Variants in ANAPC16 observed in about 807,000 individuals in gnomAD.
ANAPC16 encodes anaphase promoting complex subunit 16, also known as anaphase-promoting complex subunit 16.
A neutral mutation model predicts 13.1 loss-of-function variants in ANAPC16; 6 were observed. The ratio of observed to expected loss-of-function variants is 0.46; its 90% CI spans 0.25 to 0.90. The LOEUF is 0.90. ANAPC16 is among the 40% of genes least tolerant of loss of function. The pLI is 0.18. For missense variants in ANAPC16, 113 were observed against 131.1 expected (o/e 0.86, Z 0.67); for synonymous variants, 55 against 51.3 (o/e 1.07, Z -0.31).
chr10:72,223,794 CA>C (rs1860028688), intron 1 of ANAPC16, 93 bp from the exon 2 acceptor site: 23 of 1,049,416 alleles, frequency 2.2e-5, no homozygotes, highest in Non-Finnish European at 2.9e-5. Flanking sequence ...TAACTCTTTA[CA>C]AAACTGTATG....
chr10:72,224,153 G>A (rs78311085), intron 2 of ANAPC16, 97 bp downstream of exon 2: 1 of 1,247,160 alleles, frequency 8.0e-7, no homozygotes, highest in Admixed American at 2.8e-5. Context: ...AGTTTGCCCT[G>A]ATTTCAGCTC....
chr10:72,223,932 A>C lies in ANAPC16; in HGVS notation c.18A>C (p.Ser6=), dbSNP rs147603657. ...GAGAGGAAATGGCTGCTTCATCATCATCCTCCTCAGCTGGTGGGGTCAGTG... is the reference window on the plus strand; with the variant it reads ...GAGAGGAAATGGCTGCTTCATCATCCTCCTCCTCAGCTGGTGGGGTCAGTG... The part of the protein sequence containing the change: MAASS[S]SSSAGGVSGS... The change falls in exon 2 of 4, where the codon TCA becomes TCC. Residue 6 remains serine (S), a synonymous_variant. Coordinates refer to ENST00000299381, the MANE Select transcript of ANAPC16 (RefSeq NM_173473.4). 1,904 of 1,603,760 alleles carry C rather than the reference A, an allele frequency of 1.2e-3. 4 individuals carry two copies. The highest frequency in any genetic ancestry group is 1.4e-3 in the Non-Finnish European group (1,608 of 1,172,242).
intron 2 of ANAPC16, 68 bp downstream of exon 2, chr10:72,224,124 A>G (rs1860040708): frequency 1.4e-6 from 2 of 1,384,662 alleles, no homozygotes; most frequent in African/African-American, 1.5e-5. Context: ...TAAAGAAGCT[A>G]TTAAGTGGAT....
At chr10:72,217,686 G>A (rs1019000042) in intron 1 of ANAPC16, among the ~76,000 whole-genome samples, 4 of 151,976 alleles carry the variant, frequency 2.6e-5, no homozygotes, top group Non-Finnish European at 4.4e-5. Flanking sequence ...ACTTTGAATA[G>A]CCAAGATTTA....
At position 72,233,307 on chromosome 10, in the gene ANAPC16, G is replaced by T; in HGVS notation, c.*191G>T. 1.9e-6 allele frequency: 1 copy of T among 529,256 alleles called. No homozygotes were observed. Among genetic ancestry groups the T allele is most frequent in the Non-Finnish European group, 3.4e-6 (1 of 295,494 alleles). 32.8% of individuals were successfully genotyped at this position (529,256 alleles called of 1,614,324 possible). A position where few individuals can be genotyped will look rare whatever the true frequency, so the allele number is the denominator to read the frequency against. On this transcript the variant is annotated 3_prime_UTR_variant, in exon 4 of 4. Coordinates refer to ENST00000299381, the MANE Select transcript of ANAPC16 (RefSeq NM_173473.4). ...TGTGTGATCTTTCAGGGAATGTTTT[G>T]TTTATTTGTTTTTAAAAGTATTGGG... is the stretch of plus-strand genomic sequence containing the variant.
chr10:72,231,579 C>G (rs1453393700), intron 3 of ANAPC16, among the ~76,000 whole-genome samples: 1 of 152,026 alleles, frequency 6.6e-6, no homozygotes, highest in African/African-American at 2.4e-5. Context: ...TTTTTTGAGA[C>G]GGAGTCTCTC....
intron 1 of ANAPC16, chr10:72,223,559 C>T (rs539994924): frequency 1.1e-5 from 2 of 176,970 alleles, no homozygotes; most frequent in Non-Finnish European, 2.4e-5. Context: ...AACTTATTTC[C>T]TCTGTCAAAT....
At chr10:72,231,379 A>G (rs949350949) in intron 3 of ANAPC16, among the ~76,000 whole-genome samples, 3 of 152,094 alleles carry the variant, frequency 2.0e-5, no homozygotes, top group Non-Finnish European at 2.9e-5. Context: ...ATCTAAAAAA[A>G]GAAAATACAA....
chr10:72,233,124 T>C lies in ANAPC16; in HGVS notation c.*8T>C, dbSNP rs756558579. 1.9e-6 allele frequency: 3 copies of C among 1,611,828 alleles called. No individual in the cohort carries two copies. The Admixed American group carries it at 5.0e-5, about 27-fold the overall frequency. ...ACCCCCTCTTCAGGTTGATACTGCC[T>C]GGATGGTCACCTCTGGTGCGCAGCA... On this transcript the variant is annotated 3_prime_UTR_variant, in exon 4 of 4. Coordinates refer to ENST00000299381, the MANE Select transcript of ANAPC16 (RefSeq NM_173473.4).
At chr10:72,224,340 C>T (rs1055160774) in intron 2 of ANAPC16, among the ~76,000 whole-genome samples, 1 of 152,106 alleles carries the variant, frequency 6.6e-6, no homozygotes, top group Admixed American at 6.5e-5. Context: ...GGGCTGGGCA[C>T]GGTGGCTCAC....
rs1409772192 is a variant in ANAPC16 at position 72,230,448 on chromosome 10, C to G, written c.217+8C>G. ...TTAAACAGGTGAAACATGGTAAGCA[C>G]ATGAGTGTTGCGTACTTGACTGTGA... is the stretch of plus-strand genomic sequence containing the variant. On this transcript the variant is annotated splice_region_variant and intron_variant, in intron 3 of 3. Transcript: ENST00000299381. The G allele has an allele frequency of 1.9e-6, 3 of 1,612,826 alleles. No individual in the cohort carries two copies. In the Admixed American group the frequency reaches 5.0e-5, roughly 27 times the overall value.
rs1860424632 is a variant in ANAPC16, at chr10:72,234,812, G to A, written c.*1696G>A. On this transcript the variant is annotated 3_prime_UTR_variant, in exon 4 of 4. Coordinates refer to ENST00000299381, the MANE Select transcript of ANAPC16 (RefSeq NM_173473.4). ...CAGGCAGAAGAAAATCTCGGACTTG[G>A]AATAGATCCCAGTTGCCTGATAATT... The A allele has an allele frequency of 6.6e-6, 1 of 152,174 alleles. No individual in the cohort carries two copies. The highest frequency in any genetic ancestry group is 1.5e-5 in the Non-Finnish European group (1 of 68,040). 9.4% of individuals were successfully genotyped at this position (152,174 alleles called of 1,614,324 possible). A position where few individuals can be genotyped will look rare whatever the true frequency, so the allele number is the denominator to read the frequency against.
chr10:72,227,327 C>T (rs1225444159), intron 2 of ANAPC16, among the ~76,000 whole-genome samples: 1 of 152,126 alleles, frequency 6.6e-6, no homozygotes, highest in East Asian at 1.9e-4. Flanking sequence ...TAGATCTATC[C>T]ATTTTTATTC....
intron 1 of ANAPC16, among the ~76,000 whole-genome samples, chr10:72,218,922 C>T (rs553763545): frequency 6.6e-6 from 1 of 152,288 alleles, no homozygotes; most frequent in African/African-American, 2.4e-5. Flanking sequence ...TGGAAGAAAA[C>T]AGGATGAAAG....
Position 72,235,198 on chromosome 10 carries a change from C to T in ANAPC16, c.*2082C>T, listed in dbSNP as rs1009117242. 1.3e-5 allele frequency: 2 copies of T among 152,050 alleles called. No homozygotes were observed. The highest frequency in any genetic ancestry group is 1.9e-4 in the East Asian group (1 of 5,194). The allele number at this position is 152,050 out of a possible 1,614,324, so 9.4% of individuals were successfully genotyped here. A position where few individuals can be genotyped will look rare whatever the true frequency, so the allele number is the denominator to read the frequency against. Reference sequence around the variant, plus strand: ...GCGTGGTGGCTCACGCCTGTAATCCCGGCACTTTGGGAGGCTGAGGCAGGC... The same window carrying T: ...GCGTGGTGGCTCACGCCTGTAATCCTGGCACTTTGGGAGGCTGAGGCAGGC... On this transcript the variant is annotated 3_prime_UTR_variant, in exon 4 of 4. Coordinates refer to ENST00000299381, the MANE Select transcript of ANAPC16 (RefSeq NM_173473.4).
At chr10:72,220,082 C>T (rs1859846053) in intron 1 of ANAPC16, 1 of 152,132 alleles carries the variant, frequency 6.6e-6, no homozygotes, top group Non-Finnish European at 1.5e-5. Context: ...GTAATCCCAG[C>T]ACTTTGGGAG....
chr10:72,222,513 A>T (rs1269254807), intron 1 of ANAPC16, among the ~76,000 whole-genome samples: 1 of 151,374 alleles, frequency 6.6e-6, no homozygotes, highest in East Asian at 1.9e-4. Context: ...GCAGTGGCTC[A>T]TGCCTGTAAT....
intron 1 of ANAPC16, chr10:72,223,082 A>ATTTTTTTTTTT (rs67344471): frequency 1.2e-5 from 1 of 86,412 alleles, no homozygotes; most frequent in African/African-American, 4.8e-5. Context: ...GAAAAGGTTA[A>ATTTTTTTTTTT]TTTTTTTTTT....
intron 2 of ANAPC16, among the ~76,000 whole-genome samples, chr10:72,228,559 A>G (rs1318358332): frequency 2.0e-5 from 3 of 152,158 alleles, no homozygotes; most frequent in Non-Finnish European, 4.4e-5. Context: ...AAGCTGATGT[A>G]TTGCTACCTG....
Sources: gnomAD v4.1 joint callset for allele counts (sites outside exome capture counted in the v4.1 genomes callset) on GRCh38, gnomAD v4.1.1 for gene constraint, MANE v1.5 for transcripts, NCBI Gene and HGNC (gene_info 2026-07-23, HGNC 2026-07-21) for gene names.